IFT56: variants seen among roughly 807,000 people sequenced by gnomAD.
IFT56 encodes intraflagellar transport protein 56.
the IFT56 span, among the ~76,000 whole-genome samples, chr7:139,184,359 A>C: frequency 6.6e-6 from 1 of 152,266 alleles, no homozygotes; most frequent in Non-Finnish European, 1.5e-5. Flanking sequence ...CAGGGTGACC[A>C]GAACAGGAGC....
the IFT56 span, chr7:139,139,776 T>G: frequency 1.6e-6 from 1 of 638,398 alleles, no homozygotes. Context: ...GCATGTAGGA[T>G]TCCCTAAATG....
the IFT56 span, among the ~76,000 whole-genome samples, chr7:139,169,890 TA>T: frequency 6.6e-6 from 1 of 152,076 alleles, no homozygotes; most frequent in Non-Finnish European, 1.5e-5. Flanking sequence ...GGCACACACC[TA>T]TGGCCCCAGC....
the IFT56 span, among the ~76,000 whole-genome samples, chr7:139,177,956 G>A: frequency 2.2e-3 from 337 of 152,162 alleles, 3 homozygotes; most frequent in African/African-American, 7.7e-3. Flanking sequence ...GGGTAATGTC[G>A]TAGTTAATGA....
At chr7:139,175,250 A>T in the IFT56 span, among the ~76,000 whole-genome samples, 1 of 152,272 alleles carries the variant, frequency 6.6e-6, no homozygotes, top group Non-Finnish European at 1.5e-5. Flanking sequence ...CCTACTATGT[A>T]TGTGTGCTAA....
At chr7:139,169,429 T>G in the IFT56 span, 2 of 1,282,842 alleles carry the variant, frequency 1.6e-6, no homozygotes, top group Non-Finnish European at 2.3e-6. Flanking sequence ...TTTGATTCTC[T>G]GTCTAGGGAT....
the IFT56 span, among the ~76,000 whole-genome samples, chr7:139,153,105 C>T: frequency 6.6e-6 from 1 of 151,022 alleles, no homozygotes; most frequent in Non-Finnish European, 1.5e-5. Context: ...GCCGAGATTG[C>T]GCCACTGCAC....
the IFT56 span, chr7:139,173,804 A>G: frequency 1.4e-6 from 1 of 739,534 alleles, no homozygotes; most frequent in Non-Finnish European, 2.5e-6. Flanking sequence ...TCCTCCTGTT[A>G]ATGTAATAAC....
the IFT56 span, among the ~76,000 whole-genome samples, chr7:139,175,175 A>G: frequency 6.6e-6 from 1 of 152,220 alleles, no homozygotes; most frequent in Non-Finnish European, 1.5e-5. Flanking sequence ...TGCAAAAGAC[A>G]GGCAACAGTG....
chr7:139,186,600 G>A, the IFT56 span, among the ~76,000 whole-genome samples: 2 of 152,132 alleles, frequency 1.3e-5, no homozygotes, highest in African/African-American at 4.8e-5. Flanking sequence ...ATAGTAGTCA[G>A]TATACATCTA....
the IFT56 span, chr7:139,173,791 A>G: frequency 2.1e-5 from 16 of 747,424 alleles, no homozygotes; most frequent in South Asian, 4.2e-5. Flanking sequence ...TTCACTAACC[A>G]TTTCCTCCTG....
At chr7:139,134,858 A>C in the IFT56 span, 5 of 1,536,530 alleles carry the variant, frequency 3.3e-6, no homozygotes, top group Non-Finnish European at 8.8e-7. Context: ...GCTTGGGTGA[A>C]TGCTGTTTGC....
the IFT56 span, chr7:139,172,460 AC>A: frequency 2.6e-6 from 1 of 390,004 alleles, no homozygotes; most frequent in South Asian, 2.1e-5. Flanking sequence ...TTCATCTGGA[AC>A]CCAGAGCGCT....
At chr7:139,135,424 T>C in the IFT56 span, among the ~76,000 whole-genome samples, 3 of 152,320 alleles carry the variant, frequency 2.0e-5, no homozygotes, top group Admixed American at 2.0e-4. Context: ...ATCCCAACCC[T>C]TGACCAATGT....
the IFT56 span, chr7:139,147,184 C>T: frequency 1.2e-6 from 2 of 1,613,428 alleles, no homozygotes; most frequent in Non-Finnish European, 1.7e-6. Flanking sequence ...TCATCAAAAT[C>T]TTCAGGATGT....
the IFT56 span, among the ~76,000 whole-genome samples, chr7:139,159,445 A>T: frequency 6.6e-6 from 1 of 152,134 alleles, no homozygotes; most frequent in Admixed American, 6.5e-5. Context: ...TTTATGTACA[A>T]GGGGTCCCCA....
the IFT56 span, among the ~76,000 whole-genome samples, chr7:139,184,147 C>T: frequency 2.0e-5 from 3 of 152,240 alleles, no homozygotes; most frequent in African/African-American, 4.8e-5. Flanking sequence ...CACGGCCCCA[C>T]CTCCTAACCA....
At chr7:139,147,168 G>A in the IFT56 span, 2 of 1,612,978 alleles carry the variant, frequency 1.2e-6, no homozygotes, top group East Asian at 2.2e-5. Context: ...AAAAATTGAT[G>A]AGCTTTCATC....
At chr7:139,142,292 A>C in the IFT56 span, 1 of 1,613,850 alleles carries the variant, frequency 6.2e-7, no homozygotes, top group Admixed American at 1.7e-5. Context: ...CTCCTCTTCC[A>C]CTTGGCTCAC....
At chr7:139,182,742 G>A in the IFT56 span, among the ~76,000 whole-genome samples, 7 of 152,074 alleles carry the variant, frequency 4.6e-5, no homozygotes, top group Non-Finnish European at 7.3e-5. Flanking sequence ...GCTGGAAAGA[G>A]AAGGAAGAGT....
Sources: allele counts gnomAD v4.1 joint callset (sites outside exome capture counted in the v4.1 genomes callset), GRCh38; gene constraint gnomAD v4.1.1; transcripts MANE v1.5; gene names NCBI Gene and HGNC (gene_info 2026-07-23, HGNC 2026-07-21).